The following RAB2A variants were observed in gnomAD, a reference collection of about 807,000 sequenced individuals.
RAB2A encodes the protein RAB2A, member RAS oncogene family, also known as ras-related protein Rab-2A.
RAB2A carries 7 observed loss-of-function variants against 32.5 expected under a neutral mutation model. That is an observed-to-expected ratio of 0.22 (90% CI 0.12 to 0.40). The LOEUF (loss-of-function observed/expected upper bound fraction) is 0.40. RAB2A is among the 10% of genes least tolerant of loss of function. The probability of loss-of-function intolerance (pLI) is 1.00; values close to 1 mark genes in which losing one functional copy is unlikely to be tolerated. For synonymous variants in RAB2A, 79 were observed against 85.2 expected, an observed-to-expected ratio of 0.93 and a Z score of 0.40; for missense variants, 108 against 260.7, an observed-to-expected ratio of 0.41 and a Z score of 4.03.
chr8:60,542,279 A>C (rs1279025774), intron 1 of RAB2A, among the ~76,000 whole-genome samples: 1 of 152,088 alleles, frequency 6.6e-6, no homozygotes, highest in Admixed American at 6.6e-5. Context: ...ACTTTGGGAG[A>C]CCAAGTCAGG....
intron 1 of RAB2A, among the ~76,000 whole-genome samples, chr8:60,526,049 A>T (rs1439915165): frequency 8.3e-6 from 1 of 120,646 alleles, no homozygotes; most frequent in African/African-American, 3.4e-5. Context: ...ATATATATAT[A>T]TATATATAAG....
At chr8:60,593,596 G>C (rs1373579166) in intron 6 of RAB2A, among the ~76,000 whole-genome samples, 1 of 152,140 alleles carries the variant, frequency 6.6e-6, no homozygotes, top group African/African-American at 2.4e-5. Context: ...TCCCTTGTTG[G>C]AGTGGAGTGA....
At chr8:60,582,581 G>A (rs920088839) in intron 3 of RAB2A, among the ~76,000 whole-genome samples, 2 of 152,042 alleles carry the variant, frequency 1.3e-5, no homozygotes, top group Non-Finnish European at 2.9e-5. Flanking sequence ...AAGTACAGTG[G>A]TGCAATTACA....
At chr8:60,561,833 A>G (rs927513231) in intron 2 of RAB2A, among the ~76,000 whole-genome samples, 3 of 152,170 alleles carry the variant, frequency 2.0e-5, no homozygotes, top group African/African-American at 7.2e-5. Context: ...ATACATAGCC[A>G]CTACCAGAAT....
chr8:60,590,910 G>C lies in RAB2A; in HGVS notation c.363-948G>C, dbSNP rs375125700. 2.0e-5 allele frequency among the ~76,000 whole-genome samples: 3 copies of C among 151,834 alleles called. No individual in the cohort carries two copies. The South Asian group carries it at 6.2e-4, about 31-fold the overall frequency. ...ATGAGAATGAAAACACCAAATTTAGGTAGTGGTTACCTTTAGGGTAAGAGG... is the reference window on the plus strand; with the variant it reads ...ATGAGAATGAAAACACCAAATTTAGCTAGTGGTTACCTTTAGGGTAAGAGG... On this transcript the variant is annotated intron_variant, in intron 5 of 7. Coordinates refer to ENST00000262646, the MANE Select transcript of RAB2A (RefSeq NM_002865.3).
At chr8:60,585,175 A>G (rs1474843597) in intron 5 of RAB2A, among the ~76,000 whole-genome samples, 1 of 152,194 alleles carries the variant, frequency 6.6e-6, no homozygotes, top group African/African-American at 2.4e-5. Flanking sequence ...TTCTTGCTTG[A>G]CCAGTTTCCA....
intron 6 of RAB2A, among the ~76,000 whole-genome samples, chr8:60,596,870 A>G (rs1804038387): frequency 6.6e-6 from 1 of 152,118 alleles, no homozygotes; most frequent in South Asian, 2.1e-4. Flanking sequence ...GCAGTGAGCC[A>G]AGATCACACC....
At chr8:60,517,458 A>AC (rs1284590549) in intron 1 of RAB2A, among the ~76,000 whole-genome samples, 1 of 151,932 alleles carries the variant, frequency 6.6e-6, no homozygotes, top group African/African-American at 2.4e-5. Context: ...GCGGCCCCCG[A>AC]CCCGGCCAGT....
At chr8:60,526,970 A>G (rs1807401953) in intron 1 of RAB2A, among the ~76,000 whole-genome samples, 1 of 45,086 alleles carries the variant, frequency 2.2e-5, no homozygotes, top group Non-Finnish European at 3.7e-5. Context: ...CTCCATCTCA[A>G]AAAAAAAAAA....
chr8:60,522,373 T>C (rs552812264), intron 1 of RAB2A, among the ~76,000 whole-genome samples: 2 of 152,148 alleles, frequency 1.3e-5, no homozygotes, highest in South Asian at 4.1e-4. Context: ...TTTTTATATA[T>C]GTGTAAATAA....
chr8:60,581,920 G>GT (rs1164095722), intron 3 of RAB2A, among the ~76,000 whole-genome samples: 5 of 148,698 alleles, frequency 3.4e-5, no homozygotes, highest in African/African-American at 1.2e-4. Context: ...GTTTTTTGTT[G>GT]TTTTTTGTTG....
At chr8:60,578,593 G>A (rs190242456) in intron 3 of RAB2A, among the ~76,000 whole-genome samples, 33 of 152,314 alleles carry the variant, frequency 2.2e-4, no homozygotes, top group African/African-American at 7.7e-4. Context: ...AAAAATTCTT[G>A]TGAGACAAGT....
chr8:60,549,911 C>G (rs900799034), intron 1 of RAB2A, among the ~76,000 whole-genome samples: 1 of 151,686 alleles, frequency 6.6e-6, no homozygotes, highest in Non-Finnish European at 1.5e-5. Flanking sequence ...AATTTGCCAG[C>G]CTTTACTCAA....
chr8:60,523,347 C>T (rs747920028), intron 1 of RAB2A, among the ~76,000 whole-genome samples: 27 of 150,920 alleles, frequency 1.8e-4, no homozygotes, highest in Non-Finnish European at 2.8e-4. Flanking sequence ...TTAGTGAAGA[C>T]GGGCTTTCAC....
intron 6 of RAB2A, among the ~76,000 whole-genome samples, chr8:60,611,264 G>T (rs890736229): frequency 1.3e-5 from 2 of 152,002 alleles, no homozygotes; most frequent in African/African-American, 4.8e-5. Flanking sequence ...CCTTTTCAGG[G>T]TTCCTCTGCC....
intron 1 of RAB2A, among the ~76,000 whole-genome samples, chr8:60,544,923 T>G (rs1242525036): frequency 6.6e-6 from 1 of 152,110 alleles, no homozygotes; most frequent in East Asian, 1.9e-4. Context: ...TTTTGTATTT[T>G]TGGTAGAGAC....
intron 6 of RAB2A, among the ~76,000 whole-genome samples, chr8:60,603,249 G>T (rs1476768241): frequency 6.6e-6 from 1 of 152,182 alleles, no homozygotes; most frequent in Non-Finnish European, 1.5e-5. Context: ...CATTGATGAT[G>T]TTTAGAATTG....
intron 1 of RAB2A, among the ~76,000 whole-genome samples, chr8:60,520,114 G>A (rs1471226834): frequency 6.6e-6 from 1 of 152,086 alleles, no homozygotes; most frequent in Admixed American, 6.5e-5. Context: ...TCAGTATGTG[G>A]GATAAAATGA....
At chr8:60,540,071 A>G (rs1280944049) in intron 1 of RAB2A, among the ~76,000 whole-genome samples, 10 of 151,554 alleles carry the variant, frequency 6.6e-5, no homozygotes, top group Non-Finnish European at 1.2e-4. Flanking sequence ...AAGAAAGAGT[A>G]TACAACTAGA....
Sources: allele counts gnomAD v4.1 joint callset (sites outside exome capture counted in the v4.1 genomes callset), GRCh38; gene constraint gnomAD v4.1.1; transcripts MANE v1.5; gene names NCBI Gene and HGNC (gene_info 2026-07-23, HGNC 2026-07-21).